Variants in NRXN1 observed in about 807,000 individuals in gnomAD.
The protein encoded by NRXN1 is neurexin-1.
NRXN1 carries 39 observed loss-of-function variants against 150.9 expected under a neutral mutation model. The observed-to-expected ratio is 0.26, with a 90% confidence interval of 0.20 to 0.34. The LOEUF (loss-of-function observed/expected upper bound fraction) is 0.34. Ranked by LOEUF, NRXN1 falls within the 10% of genes least tolerant of loss-of-function variation. NRXN1 has a pLI of 1.00. For missense variants in NRXN1, 1,815 were observed against 1,949.9 expected, an observed-to-expected ratio of 0.93 and a Z score of 1.30; for synonymous variants, 924 against 757.0, an observed-to-expected ratio of 1.22 and a Z score of -3.62.
chr2:50,464,785 C>T (rs1466047064), intron 17 of NRXN1, among the ~76,000 whole-genome samples: 1 of 151,874 alleles, frequency 6.6e-6, no homozygotes, highest in Non-Finnish European at 1.5e-5. Context: ...AGAACTTCAT[C>T]TTATAGATCA....
At chr2:50,429,878 C>T (rs961274503) in intron 17 of NRXN1, among the ~76,000 whole-genome samples, 4 of 152,088 alleles carry the variant, frequency 2.6e-5, no homozygotes, top group African/African-American at 9.7e-5. Flanking sequence ...AAAAAGTGAT[C>T]AAAATACCTG....
intron 17 of NRXN1, among the ~76,000 whole-genome samples, chr2:50,342,393 C>G (rs2077612166): frequency 6.6e-6 from 1 of 152,192 alleles, no homozygotes; most frequent in South Asian, 2.1e-4. Flanking sequence ...GCAGAACAGT[C>G]ATAGCCAAAA....
chr2:50,844,103 C>G (rs1021726726), intron 5 of NRXN1, among the ~76,000 whole-genome samples: 2 of 152,154 alleles, frequency 1.3e-5, no homozygotes, highest in Non-Finnish European at 2.9e-5. Flanking sequence ...GCACGAAGAA[C>G]AGCGAAAGTG....
intron 21 of NRXN1, among the ~76,000 whole-genome samples, chr2:49,992,784 G>A (rs1682227132): frequency 6.6e-6 from 1 of 152,112 alleles, no homozygotes; most frequent in African/African-American, 2.4e-5. Context: ...AAGAGATATA[G>A]ATGGCAATTG....
At chr2:50,807,631 A>G (rs755667750) in intron 5 of NRXN1, among the ~76,000 whole-genome samples, 30 of 152,128 alleles carry the variant, frequency 2.0e-4, no homozygotes, top group Non-Finnish European at 2.9e-4. Context: ...CAATTTGCAA[A>G]AGGAGCTCTT....
intron 5 of NRXN1, among the ~76,000 whole-genome samples, chr2:50,658,411 G>GGTGTGTGTGT (rs58970263): frequency 0.1 from 14,854 of 144,666 alleles, 786 homozygotes; most frequent in African/African-American, 0.12. Flanking sequence ...TGCATTCACT[G>GGTGTGTGTGT]GTGTGTGTGT....
At chr2:50,526,640 G>C (rs191235264) in intron 12 of NRXN1, 1 of 151,962 alleles carries the variant, frequency 6.6e-6, no homozygotes, top group Non-Finnish European at 1.5e-5. Context: ...ATGGAACTTG[G>C]GTTTCTTACT....
At chr2:50,238,534 T>C (rs1279865618) in intron 17 of NRXN1, among the ~76,000 whole-genome samples, 1 of 152,098 alleles carries the variant, frequency 6.6e-6, no homozygotes, top group Non-Finnish European at 1.5e-5. Context: ...AAATAGCTTG[T>C]ACCAAGAGTA....
chr2:50,870,583 T>C (rs747752069), intron 5 of NRXN1, among the ~76,000 whole-genome samples: 1 of 152,018 alleles, frequency 6.6e-6, no homozygotes, highest in Non-Finnish European at 1.5e-5. Context: ...TTTTCTTGAC[T>C]CTGTCTCCAG....
chr2:50,229,647 T>A (rs529429379), intron 18 of NRXN1, among the ~76,000 whole-genome samples: 24 of 152,208 alleles, frequency 1.6e-4, no homozygotes, highest in African/African-American at 5.3e-4. Flanking sequence ...ATAACTAAGA[T>A]GCTCCTGGAT....
At chr2:50,684,340 A>C (rs544768233) in intron 5 of NRXN1, among the ~76,000 whole-genome samples, 3 of 151,936 alleles carry the variant, frequency 2.0e-5, no homozygotes, top group South Asian at 4.2e-4. Context: ...CCGTCACTAC[A>C]AAAAAATACA....
intron 5 of NRXN1, among the ~76,000 whole-genome samples, chr2:50,676,414 T>C (rs1428001638): frequency 6.6e-6 from 1 of 152,064 alleles, no homozygotes; most frequent in African/African-American, 2.4e-5. Context: ...GACAGATTAG[T>C]GGTTAAGAGG....
Position 50,297,837 on chromosome 2 carries a change from T to A in NRXN1, c.3365-60867A>T, listed in dbSNP as rs77247766. Among the ~76,000 whole-genome samples, 982 of 152,276 alleles carry A rather than the reference T, an allele frequency of 6.4e-3. 8 individuals are homozygous for A. The highest frequency in any genetic ancestry group is 0.023 in the African/African-American group (937 of 41,552). On this transcript the variant is annotated intron_variant, in intron 17 of 22. Transcript: ENST00000401669. ...GGAAGTCTTTCCAAAGAGATAATTT[T>A]AAAATGGGTTTTAAAGGATGCATAG...
chr2:50,238,922 T>C lies in NRXN1; in HGVS notation c.3365-1952A>G, dbSNP rs1304303043. On this transcript the variant is annotated intron_variant, in intron 17 of 22. Transcript: ENST00000401669. ...GCTATAGAGGCTGTACCCTTCTCTA[T>C]TAATTTTGCAGATACCAATGCATGA... Among the ~76,000 whole-genome samples, 9 of 152,124 alleles carry C rather than the reference T, an allele frequency of 5.9e-5. No homozygotes were observed. In the East Asian group the frequency reaches 1.2e-3, roughly 20 times the overall value.
intron 5 of NRXN1, among the ~76,000 whole-genome samples, chr2:50,717,730 C>A (rs553744964): frequency 7.2e-5 from 11 of 152,278 alleles, no homozygotes; most frequent in Admixed American, 7.2e-4. Context: ...AAGGTGCCAG[C>A]AGATTTCACA....
At chr2:50,744,610 C>T (rs1417739142) in intron 5 of NRXN1, among the ~76,000 whole-genome samples, 1 of 151,978 alleles carries the variant, frequency 6.6e-6, no homozygotes, top group East Asian at 1.9e-4. Context: ...AACTTGTTTT[C>T]CCCATTTTAT....
chr2:50,639,544 T>C (rs568770832), intron 5 of NRXN1, among the ~76,000 whole-genome samples: 1 of 151,378 alleles, frequency 6.6e-6, no homozygotes, highest in Non-Finnish European at 1.5e-5. Context: ...TTTAATGCCA[T>C]TTTGGATAGA....
intron 19 of NRXN1, among the ~76,000 whole-genome samples, chr2:50,063,553 C>T (rs914483702): frequency 8.9e-5 from 13 of 146,594 alleles, no homozygotes; most frequent in African/African-American, 3.0e-4. Context: ...AACAGACACA[C>T]ACACACACAC....
chr2:50,134,619 A>G (rs1255160627), intron 18 of NRXN1, among the ~76,000 whole-genome samples: 2 of 152,274 alleles, frequency 1.3e-5, no homozygotes, highest in African/African-American at 4.8e-5. Context: ...TCCCAGCCCC[A>G]TCCCAAATGT....
Sources: allele counts gnomAD v4.1 joint callset (sites outside exome capture counted in the v4.1 genomes callset), GRCh38; gene constraint gnomAD v4.1.1; transcripts MANE v1.5; gene names NCBI Gene and HGNC (gene_info 2026-07-23, HGNC 2026-07-21).